The following CARM1 variants were observed in gnomAD, a reference collection of about 807,000 sequenced individuals.
CARM1 encodes the protein coactivator associated arginine methyltransferase 1.
A neutral mutation model predicts 72.7 loss-of-function variants in CARM1; 14 were observed. The observed-to-expected ratio is 0.19, with a 90% CI of 0.13 to 0.30. The LOEUF (loss-of-function observed/expected upper bound fraction) is 0.30, where lower values mean the gene tolerates loss of function less well. Ranked by LOEUF, CARM1 falls within the 10% of genes least tolerant of loss-of-function variation. CARM1 has a pLI of 1.00. For synonymous variants in CARM1, 333 were observed against 345.5 expected (o/e 0.96, Z 0.40); for missense variants, 432 against 833.7 (o/e 0.52, Z 5.93).
At chr19:10,902,644 T>C (rs2074075077) in intron 1 of CARM1, among the ~76,000 whole-genome samples, 1 of 151,166 alleles carries the variant, frequency 6.6e-6, no homozygotes, top group African/African-American at 2.4e-5. Flanking sequence ...CTCTTATTCT[T>C]GTCACCCAGG....
chr19:10,898,538 T>C (rs1446559358), intron 1 of CARM1, among the ~76,000 whole-genome samples: 1 of 152,264 alleles, frequency 6.6e-6, no homozygotes, highest in East Asian at 1.9e-4. Flanking sequence ...TTCTGAATCC[T>C]GGGGTCCTGC....
chr19:10,882,933 G>A (rs1693249131), intron 1 of CARM1, among the ~76,000 whole-genome samples: 1 of 152,128 alleles, frequency 6.6e-6, no homozygotes, highest in Non-Finnish European at 1.5e-5. Flanking sequence ...GAGAATGGCA[G>A]CTAAGGAGAG....
chr19:10,916,423 C>T lies in CARM1; in HGVS notation c.864C>T (p.Thr288=), dbSNP rs754935722. 2.5e-6 allele frequency: 4 copies of T among 1,613,362 alleles called. No individual in the cohort carries two copies. In the East Asian group the frequency reaches 8.9e-5, roughly 36 times the overall value. Residue 288 remains threonine, a synonymous_variant, in exon 7 of 16, where the codon ACC becomes ACT. Coordinates refer to ENST00000327064, the MANE Select transcript of CARM1 (RefSeq NM_199141.2). The surrounding 1 kb of genome is among the most constrained non-coding windows in gnomAD (Gnocchi z 4.4). The part of the protein sequence containing the change: ...YLKPSGNMFP[T]IGDVHLAPFT... The stretch of plus-strand genomic sequence containing the variant: ...CACTCCCAGGAAACATGTTTCCTAC[C>T]ATTGGTGACGTCCACCTTGCACCCT...
chr19:10,902,512 T>A (rs774510692), intron 1 of CARM1, among the ~76,000 whole-genome samples: 27 of 152,186 alleles, frequency 1.8e-4, no homozygotes, highest in Non-Finnish European at 3.2e-4. Flanking sequence ...GGTTTCACTG[T>A]GTTAGCCAGC....
At chr19:10,881,703 C>T (rs898596639) in intron 1 of CARM1, among the ~76,000 whole-genome samples, 5 of 151,966 alleles carry the variant, frequency 3.3e-5, no homozygotes, top group African/African-American at 4.8e-5. Context: ...TGACCTTTCC[C>T]AGCCCACTGA....
At chr19:10,885,688 G>A (rs2073935782) in intron 1 of CARM1, among the ~76,000 whole-genome samples, 2 of 152,168 alleles carry the variant, frequency 1.3e-5, no homozygotes, top group South Asian at 2.1e-4. Flanking sequence ...ACGGGAAGGC[G>A]AAGATAGGCT....
chr19:10,921,776 GAC>G lies in CARM1; in HGVS notation c.*21_*22del. 1 of 1,568,396 alleles carries G rather than the reference GAC, an allele frequency of 6.4e-7. No homozygotes were observed. The highest frequency in any genetic ancestry group is 1.4e-5 in the African/African-American group (1 of 73,764). On this transcript the variant is annotated 3_prime_UTR_variant, in exon 16 of 16. Transcript: ENST00000327064. ...GAGCTAGGGGCCCGCCCCGCGGACT[GAC>G]AGCACCAGGAAACCAAATGATGTCC...
In CARM1 at chr19:10,921,051, G is replaced by T; in HGVS notation, c.1539G>T (p.Gly513=). The part of the protein sequence containing the change: ...YNLSSGMAVA[G]MPTAYDLSSV... ...TGACGTCTCCCTCTCTGGACACAGG[G>T]ATGCCGACCGCCTATGACTTGAGCA... Residue 513 remains glycine, a splice_region_variant and synonymous_variant, in exon 14 of 16, where the codon GGG becomes GGT. Transcript: ENST00000327064. The T allele has an allele frequency of 6.2e-7, 1 of 1,614,150 alleles. No individual in the cohort carries two copies. Among genetic ancestry groups the T allele is most frequent in the Non-Finnish European group, 8.5e-7 (1 of 1,179,962 alleles).
At chr19:10,881,138 C>T (rs2073899428) in intron 1 of CARM1, among the ~76,000 whole-genome samples, 1 of 152,166 alleles carries the variant, frequency 6.6e-6, no homozygotes, top group African/African-American at 2.4e-5. Context: ...TGCACTCCAT[C>T]CCGGGAAACA....
At position 10,916,934 on chromosome 19, in the gene CARM1, C is replaced by A. The variant is rs902474590; in HGVS notation, c.1020+157C>A. ...GGCCAAAAGTGTCAATGCATGTAGA[C>A]ACTTAGCACACAGCACACATGCAAT... is the stretch of plus-strand genomic sequence containing the variant. On this transcript the variant is annotated intron_variant, in intron 8 of 15. Transcript: ENST00000327064. This position sits in a 1 kb window ranked among gnomAD's most constrained non-coding sequence, Gnocchi z 4.4. 1.3e-5 allele frequency among the ~76,000 whole-genome samples: 2 copies of A among 152,124 alleles called. No individual in the cohort carries two copies. Among genetic ancestry groups the A allele is most frequent in the South Asian group, 2.1e-4 (1 of 4,828 alleles).
At position 10,921,106 on chromosome 19, in the gene CARM1, C is replaced by T. The variant is rs530443113; in HGVS notation, c.1594C>T (p.His532Tyr). ...TATTGCCAGTGGCTCCAGCGTGGGCCACAACAACCTGATTCCTTTAGGTGA... is the reference window on the plus strand; with the variant it reads ...TATTGCCAGTGGCTCCAGCGTGGGCTACAACAACCTGATTCCTTTAGGTGA... The part of the protein sequence containing the change: ...SVIASGSSVG[H>Y]NNLIPLANTG... Residue 532 changes from histidine (H) to tyrosine (Y), a missense_variant, in exon 14 of 16, where the codon CAC becomes TAC. Physicochemically the swap from His to Tyr is moderately conservative, Grantham distance 83 (BLOSUM62 2). Coordinates refer to ENST00000327064, the MANE Select transcript of CARM1 (RefSeq NM_199141.2). The T allele has an allele frequency of 6.2e-7, 1 of 1,614,078 alleles. No homozygotes were observed. Among genetic ancestry groups the T allele is most frequent in the Non-Finnish European group, 8.5e-7 (1 of 1,179,958 alleles).
Position 10,895,955 on chromosome 19 carries a change from A to G in CARM1, c.221-8996A>G, listed in dbSNP as rs565103634. ...CAGAGGCCAGAGAGAACCTCTGCCC[A>G]TGATCTTGACCGGGAGAGAGTGTTG... On this transcript the variant is annotated intron_variant, in intron 1 of 15. Coordinates refer to ENST00000327064, the MANE Select transcript of CARM1 (RefSeq NM_199141.2). 2.6e-5 allele frequency among the ~76,000 whole-genome samples: 4 copies of G among 152,298 alleles called. No homozygotes were observed. In the East Asian group the frequency reaches 7.7e-4, roughly 29 times the overall value.
In CARM1 at chr19:10,888,829, C is replaced by T. The variant is rs533527759; in HGVS notation, c.221-16122C>T. ...ATAGCTCCCAGTGAAGGGGGTGCCC[C>T]GTCTCTTTTTCAGAAAAGCCAAGCT... is the stretch of plus-strand genomic sequence containing the variant. On this transcript the variant is annotated intron_variant, in intron 1 of 15. Coordinates refer to ENST00000327064, the MANE Select transcript of CARM1 (RefSeq NM_199141.2). 4.0e-3 allele frequency among the ~76,000 whole-genome samples: 604 copies of T among 152,322 alleles called. 6 individuals carry two copies. The highest frequency in any genetic ancestry group is 4.7e-3 in the Non-Finnish European group (323 of 68,030).
chr19:10,906,943 G>T (rs1197541224), intron 2 of CARM1, among the ~76,000 whole-genome samples: 1 of 143,932 alleles, frequency 6.9e-6, no homozygotes, highest in East Asian at 2.0e-4. Flanking sequence ...GTCTCACTCT[G>T]TTGCCCAGGC....
rs982803608 is a variant in CARM1, at chr19:10,912,486, G to A, written c.669+192G>A. Among the ~76,000 whole-genome samples the A allele has an allele frequency of 1.3e-5, 2 of 151,830 alleles. No homozygotes were observed. The highest frequency in any genetic ancestry group is 4.8e-5 in the African/African-American group (2 of 41,308). The stretch of plus-strand genomic sequence containing the variant: ...CTGAGATGATTTTCTCTCATGGCCG[G>A]TAGTCAGGGCCACATGTCATTTCCC... On this transcript the variant is annotated intron_variant, in intron 5 of 15. Transcript: ENST00000327064. The surrounding 1 kb of genome is among the most constrained non-coding windows in gnomAD (Gnocchi z 4.5).
chr19:10,872,055 C>A (rs954482484), intron 1 of CARM1, 133 bp downstream of exon 1: 3 of 736,826 alleles, frequency 4.1e-6, no homozygotes, highest in African/African-American at 3.8e-5. Flanking sequence ...CGGTGGCCTG[C>A]AGGGAGCGAC....
intron 1 of CARM1, among the ~76,000 whole-genome samples, chr19:10,890,310 C>T (rs900425338): frequency 2.7e-5 from 4 of 149,198 alleles, no homozygotes; most frequent in Non-Finnish European, 5.9e-5. Context: ...TCTTGTTGTC[C>T]AGGCTGGAGT....
chr19:10,888,419 C>T (rs1393087702), intron 1 of CARM1, among the ~76,000 whole-genome samples: 1 of 152,190 alleles, frequency 6.6e-6, no homozygotes, highest in Non-Finnish European at 1.5e-5. Context: ...GCTTGGTTTC[C>T]CCTCTTAAAA....
chr19:10,904,080 C>G (rs926315195), intron 1 of CARM1, among the ~76,000 whole-genome samples: 3 of 152,188 alleles, frequency 2.0e-5, no homozygotes, highest in Admixed American at 6.5e-5. Context: ...TTGGGCACTC[C>G]CCTCTTTCTT....
Sources: allele counts gnomAD v4.1 joint callset (sites outside exome capture counted in the v4.1 genomes callset), GRCh38; gene constraint gnomAD v4.1.1; non-coding constraint Gnocchi (gnomAD v3.1); transcripts MANE v1.5; gene names NCBI Gene and HGNC (gene_info 2026-07-23, HGNC 2026-07-21).